The following CAPZA1 variants were observed in gnomAD, a reference collection of about 807,000 sequenced individuals.
The protein encoded by CAPZA1 is F-actin-capping protein subunit alpha-1.
CAPZA1 carries 10 observed loss-of-function variants against 40.8 expected under a neutral mutation model. The observed-to-expected ratio is 0.25, with a 90% CI of 0.15 to 0.42. The LOEUF (loss-of-function observed/expected upper bound fraction) is 0.42, where lower values mean the gene tolerates loss of function less well. Ranked by LOEUF, CAPZA1 falls within the 10% of genes least tolerant of loss-of-function variation. The probability of loss-of-function intolerance (pLI) is 1.00; values close to 1 mark genes in which losing one functional copy is unlikely to be tolerated. For missense variants in CAPZA1, 277 were observed against 353.8 expected (o/e 0.78, Z 1.74); for synonymous variants, 98 against 115.0 (o/e 0.85, Z 0.95).
At chr1:112,660,349 C>T (rs984642520) in intron 7 of CAPZA1, among the ~76,000 whole-genome samples, 3 of 152,132 alleles carry the variant, frequency 2.0e-5, no homozygotes, top group African/African-American at 2.4e-5. Context: ...GGCATGATCT[C>T]GGCTCTTCGC....
At chr1:112,650,447 C>T (rs1671362342) in intron 3 of CAPZA1, among the ~76,000 whole-genome samples, 1 of 152,132 alleles carries the variant, frequency 6.6e-6, no homozygotes, top group African/African-American at 2.4e-5. Context: ...AGGCTCACAT[C>T]GGAGATATAC....
intron 7 of CAPZA1, among the ~76,000 whole-genome samples, chr1:112,666,027 G>A (rs1248058818): frequency 6.6e-6 from 1 of 151,994 alleles, no homozygotes; most frequent in East Asian, 1.9e-4. Context: ...CCCTAAGATG[G>A]GGATCTTGCT....
intron 1 of CAPZA1, among the ~76,000 whole-genome samples, chr1:112,626,855 C>T (rs918151995): frequency 1.3e-5 from 2 of 152,140 alleles, no homozygotes; most frequent in South Asian, 2.1e-4. Context: ...GAACATTGAT[C>T]GAATTCTGTT....
In CAPZA1 at chr1:112,649,459, G is replaced by C; in HGVS notation, c.145G>C (p.Gly49Arg). 6.2e-7 allele frequency: 1 copy of C among 1,611,376 alleles called. No individual in the cohort carries two copies. The highest frequency in any genetic ancestry group is 8.5e-7 in the Non-Finnish European group (1 of 1,177,908). The change falls in exon 3 of 10, where the codon GGG becomes CGG. Residue 49 changes from glycine (G) to arginine (R), a missense_variant. Transcript: ENST00000263168. ...LLNNDNLLREGAAHAFAQYNM... is the reference protein window; with the variant it reads ...LLNNDNLLRERAAHAFAQYNM... The stretch of plus-strand genomic sequence containing the variant: ...TAATAATGACAATCTCCTCAGGGAA[G>C]GGGCAGCACAGTAAGTATCTTTCCA...
intron 1 of CAPZA1, among the ~76,000 whole-genome samples, chr1:112,640,597 TG>T (rs1313499556): frequency 1.5e-4 from 18 of 123,510 alleles, no homozygotes; most frequent in South Asian, 5.5e-4. Flanking sequence ...GGGAGGGAGG[TG>T]GGGGGGTCAG....
At position 112,665,523 on chromosome 1, in the gene CAPZA1, T is replaced by C. The variant is rs150703513; in HGVS notation, c.586-1551T>C. Among the ~76,000 whole-genome samples the C allele has an allele frequency of 2.2e-3, 340 of 152,228 alleles. 2 individuals are homozygous for C. The highest frequency in any genetic ancestry group is 6.9e-3 in the African/African-American group (288 of 41,548). The stretch of plus-strand genomic sequence containing the variant: ...CACAATACCTTAGACTGGTATACCT[T>C]AGCAGAAATACCTTAGCAGAAATTT... On this transcript the variant is annotated intron_variant, in intron 7 of 9. Coordinates refer to ENST00000263168, the MANE Select transcript of CAPZA1 (RefSeq NM_006135.3).
intron 1 of CAPZA1, among the ~76,000 whole-genome samples, chr1:112,641,226 A>AAAT (rs1557730566): frequency 2.6e-4 from 40 of 151,312 alleles, no homozygotes; most frequent in Admixed American, 4.6e-4. Flanking sequence ...AATAAAAAAA[A>AAAT]AAATAAATAA....
At chr1:112,644,326 G>A (rs529235579) in intron 1 of CAPZA1, among the ~76,000 whole-genome samples, 1 of 151,152 alleles carries the variant, frequency 6.6e-6, no homozygotes, top group Admixed American at 6.6e-5. Flanking sequence ...AAGTAGCTGG[G>A]ATTACAGGTA....
chr1:112,646,436 G>A (rs1272824499), intron 1 of CAPZA1, among the ~76,000 whole-genome samples: 1 of 152,182 alleles, frequency 6.6e-6, no homozygotes, highest in Admixed American at 6.5e-5. Context: ...ACGAAGTTAG[G>A]TGTGGTGGCA....
At chr1:112,644,284 G>A (rs557992491) in intron 1 of CAPZA1, among the ~76,000 whole-genome samples, 38 of 135,544 alleles carry the variant, frequency 2.8e-4, no homozygotes, top group Non-Finnish European at 5.0e-4. Context: ...TCCACCTTCC[G>A]GGTTGAGGTG....
At chr1:112,650,687 C>G (rs1671368844) in intron 3 of CAPZA1, among the ~76,000 whole-genome samples, 1 of 152,162 alleles carries the variant, frequency 6.6e-6, no homozygotes. Flanking sequence ...TGAGAACTAC[C>G]CACAGTAAAT....
At chr1:112,639,088 C>CA (rs1296665781) in intron 1 of CAPZA1, among the ~76,000 whole-genome samples, 50 of 141,868 alleles carry the variant, frequency 3.5e-4, no homozygotes, top group Non-Finnish European at 4.6e-5. Flanking sequence ...GAAAAATCAA[C>CA]ACTTCAGAAA....
chr1:112,653,741 C>A, intron 4 of CAPZA1, 80 bp downstream of exon 4: 1 of 914,676 alleles, frequency 1.1e-6, no homozygotes, highest in Non-Finnish European at 1.7e-6. Context: ...GATGTCTGAA[C>A]CAGGTGCTGA....
At chr1:112,626,493 CCT>C (rs961709280) in intron 1 of CAPZA1, among the ~76,000 whole-genome samples, 4 of 151,960 alleles carry the variant, frequency 2.6e-5, no homozygotes, top group African/African-American at 9.7e-5. Context: ...GCCTCCTGCC[CCT>C]GTCTTCCACC....
intron 1 of CAPZA1, among the ~76,000 whole-genome samples, chr1:112,644,526 T>A (rs551521584): frequency 1.3e-5 from 2 of 152,138 alleles, no homozygotes; most frequent in East Asian, 1.9e-4. Context: ...TTGAACGTAT[T>A]TTTTTTTCTG....
chr1:112,628,293 G>A (rs1323745136), intron 1 of CAPZA1, among the ~76,000 whole-genome samples: 1 of 152,158 alleles, frequency 6.6e-6, no homozygotes, highest in African/African-American at 2.4e-5. Flanking sequence ...CATTATCTTA[G>A]TGAACTTGCT....
intron 2 of CAPZA1, among the ~76,000 whole-genome samples, chr1:112,647,677 C>G (rs536008311): frequency 1.5e-4 from 23 of 152,314 alleles, no homozygotes; most frequent in Middle Eastern, 3.4e-3. Flanking sequence ...GCTGAACGGA[C>G]TATATCTGGG....
intron 2 of CAPZA1, among the ~76,000 whole-genome samples, chr1:112,649,021 C>T (rs1324700036): frequency 2.6e-5 from 4 of 151,496 alleles, no homozygotes; most frequent in African/African-American, 9.7e-5. Context: ...AGGTTGTAGA[C>T]CCCACATTAG....
At chr1:112,640,467 C>T (rs1251610669) in intron 1 of CAPZA1, among the ~76,000 whole-genome samples, 1 of 134,108 alleles carries the variant, frequency 7.5e-6, no homozygotes, top group Non-Finnish European at 1.6e-5. Context: ...GCCCAGCCAG[C>T]CGCCCAGTCC....
Sources: allele counts gnomAD v4.1 joint callset (sites outside exome capture counted in the v4.1 genomes callset), GRCh38; gene constraint gnomAD v4.1.1; transcripts MANE v1.5; gene names NCBI Gene and HGNC (gene_info 2026-07-23, HGNC 2026-07-21).